Variants in BICC1 observed in about 807,000 individuals in gnomAD.
BICC1 encodes the protein BicC family RNA binding protein 1.
BICC1 carries 43 observed loss-of-function variants against 111.0 expected under a neutral mutation model. The ratio of observed to expected loss-of-function variants is 0.39; its 90% CI spans 0.30 to 0.50. The LOEUF (loss-of-function observed/expected upper bound fraction) is 0.50, where lower values mean the gene tolerates loss of function less well. BICC1 is among the 20% of genes least tolerant of loss of function. BICC1 has a pLI of 0.88. For missense variants in BICC1, 1,091 were observed against 1,203.2 expected (o/e 0.91, Z 1.38); for synonymous variants, 467 against 434.4 (o/e 1.07, Z -0.93).
chr10:58,555,305 CATTTTTT>C (rs1416436306), intron 1 of BICC1, among the ~76,000 whole-genome samples: 3 of 93,822 alleles, frequency 3.2e-5, no homozygotes, highest in Non-Finnish European at 6.3e-5. Flanking sequence ...GGCTGTTGGA[CATTTTTT>C]TTTTTTTTTT....
rs755534556 is a variant in BICC1, at chr10:58,513,136, C to A, written c.-8C>A. On this transcript the variant is annotated 5_prime_UTR_variant, in exon 1 of 21. Transcript: ENST00000373886. ...CGGCAGCGGGAGCCCGAGCGCTGCG[C>A]GCCCACCATGGCCGCCCAGGGAGAG... is the stretch of plus-strand genomic sequence containing the variant. 2 of 1,463,360 alleles carry A rather than the reference C, an allele frequency of 1.4e-6. No individual in the cohort carries two copies. Among genetic ancestry groups the A allele is most frequent in the Non-Finnish European group, 1.8e-6 (2 of 1,110,772 alleles). 90.6% of individuals were successfully genotyped at this position (1,463,360 alleles called of 1,614,324 possible).
intron 1 of BICC1, among the ~76,000 whole-genome samples, chr10:58,544,070 T>A (rs1053598636): frequency 2.0e-5 from 3 of 152,064 alleles, no homozygotes; most frequent in African/African-American, 7.2e-5. Flanking sequence ...AATGCCTTCA[T>A]CCATTGGAAC....
intron 1 of BICC1, among the ~76,000 whole-genome samples, chr10:58,524,065 G>T (rs564348534): frequency 1.3e-3 from 196 of 152,184 alleles, no homozygotes; most frequent in African/African-American, 4.7e-3. Context: ...ACAAACAAAT[G>T]GAAGAACATT....
chr10:58,801,157 G>T, intron 14 of BICC1, 111 bp downstream of exon 14: 8 of 950,974 alleles, frequency 8.4e-6, no homozygotes, highest in Admixed American at 7.8e-5. Context: ...CTCATCCATG[G>T]GTGTTTTCAT....
chr10:58,686,752 C>G (rs1839741887), intron 2 of BICC1, among the ~76,000 whole-genome samples: 1 of 152,136 alleles, frequency 6.6e-6, no homozygotes. Context: ...ACTGTTTATT[C>G]TAGTTAGCCA....
At position 58,714,695 on chromosome 10, in the gene BICC1, G is replaced by A. The variant is rs962256643; in HGVS notation, c.307+12552G>A. On this transcript the variant is annotated intron_variant, in intron 3 of 20. Coordinates refer to ENST00000373886, the MANE Select transcript of BICC1 (RefSeq NM_001080512.3). ...CAGGAGATGGACACCACATTTTGAT[G>A]GTTTCTCAAACCGTGTGTGACCTTT... Among the ~76,000 whole-genome samples, 7 of 152,140 alleles carry A rather than the reference G, an allele frequency of 4.6e-5. No homozygotes were observed. In the East Asian group the frequency reaches 1.2e-3, roughly 25 times the overall value.
intron 3 of BICC1, among the ~76,000 whole-genome samples, chr10:58,742,783 G>A (rs1296416911): frequency 1.3e-5 from 2 of 152,040 alleles, no homozygotes; most frequent in Non-Finnish European, 2.9e-5. Flanking sequence ...GGCTTGATGT[G>A]CTTAAAGGTT....
At position 58,536,838 on chromosome 10, in the gene BICC1, G is replaced by T. The variant is rs142475542; in HGVS notation, c.190+23505G>T. Among the ~76,000 whole-genome samples the T allele has an allele frequency of 2.3e-3, 350 of 151,696 alleles. 3 individuals carry two copies. Among genetic ancestry groups the T allele is most frequent in the African/African-American group, 7.8e-3 (322 of 41,488 alleles). Reference sequence around the variant, plus strand: ...CCAAGAAAAGAAGAGAAAAGATTCAGATAAGCTCAATTAGAAGTGAAAATG... The same window carrying T: ...CCAAGAAAAGAAGAGAAAAGATTCATATAAGCTCAATTAGAAGTGAAAATG... On this transcript the variant is annotated intron_variant, in intron 1 of 20. Coordinates refer to ENST00000373886, the MANE Select transcript of BICC1 (RefSeq NM_001080512.3).
At chr10:58,692,391 A>G (rs1203437636) in intron 2 of BICC1, among the ~76,000 whole-genome samples, 1 of 152,204 alleles carries the variant, frequency 6.6e-6, no homozygotes, top group Non-Finnish European at 1.5e-5. Context: ...TGCATGGCCT[A>G]TGGGGACATC....
At chr10:58,826,151 A>C (rs191422522) in intron 20 of BICC1, among the ~76,000 whole-genome samples, 1 of 152,274 alleles carries the variant, frequency 6.6e-6, no homozygotes. Context: ...ATACTTATTG[A>C]CTCCATGATT....
At chr10:58,761,384 G>A (rs186377575) in intron 3 of BICC1, among the ~76,000 whole-genome samples, 4 of 152,276 alleles carry the variant, frequency 2.6e-5, no homozygotes, top group African/African-American at 9.6e-5. Flanking sequence ...ACTAAGGAAT[G>A]AGTCAGTGAA....
rs185235319 is a variant in BICC1 at position 58,602,896 on chromosome 10, G to C, written c.191-17959G>C. On this transcript the variant is annotated intron_variant, in intron 1 of 20. Coordinates refer to ENST00000373886, the MANE Select transcript of BICC1 (RefSeq NM_001080512.3). ...TTGTTTGCATGTCCACACTTACTCC[G>C]TAAACCTCTGGATTATAGACTTGGT... Among the ~76,000 whole-genome samples, 503 of 152,228 alleles carry C rather than the reference G, an allele frequency of 3.3e-3. 3 individuals carry two copies. Among genetic ancestry groups the C allele is most frequent in the African/African-American group, 0.012 (478 of 41,528 alleles).
chr10:58,748,190 G>A (rs185387142), intron 3 of BICC1, among the ~76,000 whole-genome samples: 4 of 152,150 alleles, frequency 2.6e-5, no homozygotes, highest in Admixed American at 6.5e-5. Context: ...GTCTCAAATC[G>A]AGTGACTTTT....
At chr10:58,755,563 G>GA (rs1376918358) in intron 3 of BICC1, among the ~76,000 whole-genome samples, 1 of 152,140 alleles carries the variant, frequency 6.6e-6, no homozygotes, top group Non-Finnish European at 1.5e-5. Flanking sequence ...GAAATCTTCA[G>GA]AAAAAGTTGC....
intron 3 of BICC1, among the ~76,000 whole-genome samples, chr10:58,771,543 A>C (rs931959774): frequency 6.6e-6 from 1 of 152,116 alleles, no homozygotes; most frequent in South Asian, 2.1e-4. Flanking sequence ...TTTACTTTGC[A>C]CTGGAGGGGC....
At chr10:58,742,553 C>T (rs1309718868) in intron 3 of BICC1, among the ~76,000 whole-genome samples, 3 of 151,350 alleles carry the variant, frequency 2.0e-5, no homozygotes, top group African/African-American at 7.3e-5. Flanking sequence ...CTCTCCTGCC[C>T]CAGCCTCCCA....
chr10:58,513,362 C>A (rs370077280), intron 1 of BICC1, 29 bp downstream of exon 1: 109 of 1,543,762 alleles, frequency 7.1e-5, no homozygotes, highest in Non-Finnish European at 9.5e-5. Context: ...CTCGGACTCT[C>A]CGACTGAGCC....
intron 3 of BICC1, among the ~76,000 whole-genome samples, chr10:58,733,050 A>G (rs991732639): frequency 6.6e-6 from 1 of 152,034 alleles, no homozygotes; most frequent in African/African-American, 2.4e-5. Context: ...AACAAAAAAT[A>G]CAGTATCTAT....
intron 18 of BICC1, among the ~76,000 whole-genome samples, chr10:58,816,775 G>A (rs1340226019): frequency 6.6e-6 from 1 of 150,950 alleles, no homozygotes; most frequent in Admixed American, 6.6e-5. Context: ...GTGTGTGTGT[G>A]TGTGTGTGTG....
Sources: gnomAD v4.1 joint callset for allele counts (sites outside exome capture counted in the v4.1 genomes callset) on GRCh38, gnomAD v4.1.1 for gene constraint, MANE v1.5 for transcripts, NCBI Gene and HGNC (gene_info 2026-07-23, HGNC 2026-07-21) for gene names.